Variants in ATP13A3 observed in about 807,000 individuals in gnomAD.
The protein encoded by ATP13A3 is polyamine-transporting ATPase 13A3.
ATP13A3 carries 59 observed loss-of-function variants against 158.1 expected under a neutral mutation model. The observed-to-expected ratio is 0.37, with a 90% CI of 0.30 to 0.46. The LOEUF (loss-of-function observed/expected upper bound fraction) is 0.46. Among genes scored for constraint, ATP13A3 ranks in the 20% least tolerant of loss-of-function variants. The probability of loss-of-function intolerance (pLI) is 1.00; values close to 1 mark genes in which losing one functional copy is unlikely to be tolerated. For missense variants in ATP13A3, 1,166 were observed against 1,525.2 expected (o/e 0.76, Z 3.92); for synonymous variants, 491 against 504.3 (o/e 0.97, Z 0.35).
intron 29 of ATP13A3, among the ~76,000 whole-genome samples, chr3:194,426,841 T>A (rs1011368152): frequency 6.6e-6 from 1 of 152,092 alleles, no homozygotes. Flanking sequence ...TTTGTATTTT[T>A]AGTAGAGACG....
At chr3:194,457,220 C>A in intron 6 of ATP13A3, 46 bp from the exon 7 acceptor site, 2 of 1,462,034 alleles carry the variant, frequency 1.4e-6, no homozygotes, top group East Asian at 2.3e-5. Flanking sequence ...TTAAAATATC[C>A]AAATTTCTTA....
At chr3:194,459,673 G>A in intron 5 of ATP13A3, 116 bp downstream of exon 5, 1 of 1,173,422 alleles carries the variant, frequency 8.5e-7, no homozygotes, top group South Asian at 1.6e-5. Context: ...TATTTTATAT[G>A]CAGGTAAATT....
At chr3:194,489,138 T>G (rs1055378597), upstream of ATP13A3, among the ~76,000 whole-genome samples, 2 of 152,190 alleles carry the variant, frequency 1.3e-5, no homozygotes, top group Admixed American at 6.5e-5. The surrounding 1 kb of genome is among the most constrained non-coding windows in gnomAD (Gnocchi z 4.1). Context: ...TTCACCTCCT[T>G]AATAAGCCTC....
At chr3:194,462,349 G>A (rs972078497) in intron 2 of ATP13A3, 113 bp from the exon 3 acceptor site, 11 of 651,650 alleles carry the variant, frequency 1.7e-5, no homozygotes, top group African/African-American at 7.3e-5. Context: ...CCTGGGTCAC[G>A]GACCTGTTAG....
intron 10 of ATP13A3, chr3:194,451,532 A>G (rs1718807059): frequency 6.6e-6 from 1 of 152,222 alleles, no homozygotes; most frequent in Non-Finnish European, 1.5e-5. Flanking sequence ...GAGAGGCATC[A>G]ATAAGCTACA....
At chr3:194,456,047 AC>A in intron 7 of ATP13A3, 85 bp from the exon 8 acceptor site, 1 of 740,236 alleles carries the variant, frequency 1.4e-6, no homozygotes, top group Non-Finnish European at 2.1e-6. Flanking sequence ...TAAGGCTTAA[AC>A]CACAGACTGT....
At chr3:194,446,546 C>A (rs1718424016) in intron 14 of ATP13A3, among the ~76,000 whole-genome samples, 1 of 152,010 alleles carries the variant, frequency 6.6e-6, no homozygotes. Context: ...GTTTTTATTT[C>A]TTTCTTAAAT....
At chr3:194,492,416 A>T (rs1238349421) in intron 2 of ATP13A3, among the ~76,000 whole-genome samples, 1 of 152,120 alleles carries the variant, frequency 6.6e-6, no homozygotes, top group Non-Finnish European at 1.5e-5. Flanking sequence ...CTTGGATAAA[A>T]GGGTATAGTA....
At position 194,449,044 on chromosome 3, in the gene ATP13A3, TACACACACACACACACACACAC is replaced by T. The variant is rs146993933; in HGVS notation, c.971-430_971-409del. 9.6e-4 allele frequency among the ~76,000 whole-genome samples: 130 copies of T among 134,982 alleles called. 1 individual carries two copies. The East Asian group carries it at 0.015, about 16-fold the overall frequency. The allele number at this position is 134,982 out of a possible 152,430, so 88.6% of individuals were successfully genotyped here. ...GTGAGGGCCTACCCCGATCCACCCC[TACACACACACACACACACACAC>T]ACACACACACACACACACACACACA... On this transcript the variant is annotated intron_variant, in intron 11 of 33. Coordinates refer to ENST00000645319, the MANE Select transcript of ATP13A3 (RefSeq NM_001367549.1).
At position 194,460,778 on chromosome 3, in the gene ATP13A3, T is replaced by C; in HGVS notation, c.105A>G (p.Gly35=). ...GGAGAAACCCACCAGAGCAAATCAC[T>C]CCTAAAGAAACTATGGCAAGCTTCC... ...SRWKLAIVSL[G]VICSGGFLLL... Residue 35 remains glycine (G), a synonymous_variant, in exon 4 of 34, where the codon GGA becomes GGG. Transcript: ENST00000645319. 1 of 1,614,042 alleles carries C rather than the reference T, an allele frequency of 6.2e-7. No individual in the cohort carries two copies.
At chr3:194,444,813 C>A (rs558929389) in intron 14 of ATP13A3, 27 bp from the exon 15 acceptor site, 2 of 1,562,928 alleles carry the variant, frequency 1.3e-6, no homozygotes, top group Non-Finnish European at 1.7e-6. Flanking sequence ...CACACATGCA[C>A]AAAGTATGGA....
chr3:194,450,301 ATCTG>A, intron 10 of ATP13A3, 25 bp from the exon 11 acceptor site: 1 of 1,595,702 alleles, frequency 6.3e-7, no homozygotes, highest in African/African-American at 1.3e-5. Flanking sequence ...AGAAAGAAAA[ATCTG>A]AAAAAGATAT....
At chr3:194,456,931 AAGAC>A (rs913760328) in intron 7 of ATP13A3, among the ~76,000 whole-genome samples, 159 bp downstream of exon 7, 7 of 152,270 alleles carry the variant, frequency 4.6e-5, no homozygotes, top group Admixed American at 3.3e-4. Context: ...TTCTTAAACT[AAGAC>A]AGTCTTACCC....
intron 2 of ATP13A3, among the ~76,000 whole-genome samples, chr3:194,473,802 T>C (rs961129130): frequency 1.2e-4 from 19 of 152,118 alleles, no homozygotes; most frequent in Admixed American, 2.6e-4. Context: ...AATAGAAGAA[T>C]AGATGAATAA....
In ATP13A3 at chr3:194,431,976, C is replaced by G. The variant is rs201559526; in HGVS notation, c.2246-84G>C. The G allele has an allele frequency of 1.4e-4, 163 of 1,151,090 alleles. No homozygotes were observed. In the East Asian group the frequency reaches 4.6e-3, roughly 33 times the overall value. The allele number at this position is 1,151,090 out of a possible 1,614,324, so 71.3% of individuals were successfully genotyped here. A position where few individuals can be genotyped will look rare whatever the true frequency, so the allele number is the denominator to read the frequency against. On this transcript the variant is annotated intron_variant, in intron 21 of 33. Transcript: ENST00000645319. ...ACATGTACTTGCTGAGAATCTACTA[C>G]AGTCTCCATGACTGGGCTGGCAGAG... is the stretch of plus-strand genomic sequence containing the variant.
At chr3:194,409,094 C>T (rs1242027038) in intron 33 of ATP13A3, among the ~76,000 whole-genome samples, 1 of 152,120 alleles carries the variant, frequency 6.6e-6, no homozygotes, top group Non-Finnish European at 1.5e-5. Context: ...AAATTCATCC[C>T]CTCAGAGAAG....
At chr3:194,408,423 C>T (rs1434282617) in intron 33 of ATP13A3, among the ~76,000 whole-genome samples, 1 of 152,204 alleles carries the variant, frequency 6.6e-6, no homozygotes, top group Non-Finnish European at 1.5e-5. Flanking sequence ...TAGGACTTGT[C>T]TGTCCAAAGA....
intron 20 of ATP13A3, among the ~76,000 whole-genome samples, chr3:194,434,902 CAAAG>C (rs1717511362): frequency 1.3e-5 from 2 of 152,090 alleles, no homozygotes; most frequent in Non-Finnish European, 2.9e-5. Context: ...GCCTAAGCAA[CAAAG>C]AGAGATCCTA....
chr3:194,487,152 G>T (rs1721048929), upstream of ATP13A3: 2 of 152,308 alleles, frequency 1.3e-5, no homozygotes, highest in South Asian at 2.1e-4. Flanking sequence ...CCTCGAACGG[G>T]CAAAAGAAAG....
Sources: allele counts gnomAD v4.1 joint callset (sites outside exome capture counted in the v4.1 genomes callset), GRCh38; gene constraint gnomAD v4.1.1; non-coding constraint Gnocchi (gnomAD v3.1); transcripts MANE v1.5; gene names NCBI Gene and HGNC (gene_info 2026-07-23, HGNC 2026-07-21).